Variants in STXBP5L observed in about 807,000 individuals in gnomAD.
The protein encoded by STXBP5L is syntaxin-binding protein 5-like.
A neutral mutation model predicts 144.5 loss-of-function variants in STXBP5L; 65 were observed. That is an observed-to-expected ratio of 0.45 (90% confidence interval 0.37 to 0.55). The LOEUF is 0.55. Among genes scored for constraint, STXBP5L ranks in the 20% least tolerant of loss-of-function variants. The pLI is 0.00. For missense variants in STXBP5L, 1,298 were observed against 1,405.5 expected, an observed-to-expected ratio of 0.92 and a Z score of 1.22; for synonymous variants, 505 against 469.6, an observed-to-expected ratio of 1.08 and a Z score of -0.97.
intron 5 of STXBP5L, among the ~76,000 whole-genome samples, chr3:121,072,942 C>T (rs530669372): frequency 3.3e-4 from 51 of 152,304 alleles, no homozygotes; most frequent in African/African-American, 1.2e-3. Context: ...TGTTTACTGA[C>T]TTTCCTTTGG....
chr3:120,924,949 A>G (rs1709539506), intron 2 of STXBP5L: 1 of 152,460 alleles, frequency 6.6e-6, no homozygotes, highest in African/African-American at 2.4e-5. Context: ...TGACCTCGTG[A>G]TCTGCCCACC....
intron 2 of STXBP5L, among the ~76,000 whole-genome samples, chr3:120,938,594 C>G: frequency 6.6e-6 from 1 of 152,128 alleles, no homozygotes; most frequent in Admixed American, 6.6e-5. Context: ...TGACTCTACA[C>G]CAAGCTATAA....
chr3:121,322,177 C>T (rs1330011386), intron 20 of STXBP5L, among the ~76,000 whole-genome samples: 3 of 152,124 alleles, frequency 2.0e-5, no homozygotes, highest in South Asian at 4.1e-4. Flanking sequence ...ATCCATGTTG[C>T]TTTAAAGGAC....
At chr3:121,410,399 T>C (rs2047088428) in intron 23 of STXBP5L, among the ~76,000 whole-genome samples, 1 of 152,014 alleles carries the variant, frequency 6.6e-6, no homozygotes, top group African/African-American at 2.4e-5. Context: ...TTGATATGAT[T>C]TTAATAATAC....
intron 9 of STXBP5L, among the ~76,000 whole-genome samples, chr3:121,179,862 G>A (rs765316385): frequency 1.6e-4 from 25 of 152,082 alleles, no homozygotes; most frequent in Non-Finnish European, 3.1e-4. Flanking sequence ...CAAGGCTTTC[G>A]AATTAACCCA....
intron 10 of STXBP5L, among the ~76,000 whole-genome samples, chr3:121,221,348 G>A (rs1450101768): frequency 6.6e-6 from 1 of 151,650 alleles, no homozygotes; most frequent in Non-Finnish European, 1.5e-5. Context: ...AAAGCAGGGG[G>A]GGTAAATTGC....
intron 22 of STXBP5L, among the ~76,000 whole-genome samples, chr3:121,386,711 A>G (rs771439658): frequency 5.9e-5 from 9 of 152,168 alleles, no homozygotes; most frequent in Non-Finnish European, 1.3e-4. Context: ...AGCTTCATCA[A>G]TGTCCCTGCA....
At chr3:121,090,912 G>T (rs921366068) in intron 5 of STXBP5L, among the ~76,000 whole-genome samples, 2 of 143,682 alleles carry the variant, frequency 1.4e-5, no homozygotes, top group South Asian at 4.7e-4. Context: ...ATATCTCCCA[G>T]TGCTATCCCT....
At chr3:121,390,014 G>T (rs962666694) in intron 22 of STXBP5L, among the ~76,000 whole-genome samples, 2 of 152,070 alleles carry the variant, frequency 1.3e-5, no homozygotes, top group Non-Finnish European at 2.9e-5. Context: ...TTATTGTGTG[G>T]GAGTCTAAGT....
intron 11 of STXBP5L, among the ~76,000 whole-genome samples, chr3:121,227,832 A>G (rs910672795): frequency 1.3e-5 from 2 of 152,198 alleles, no homozygotes; most frequent in Non-Finnish European, 2.9e-5. Flanking sequence ...ACTTTTTAAT[A>G]AAGCCACAAA....
rs184632470 is a variant in STXBP5L at position 120,979,640 on chromosome 3, C to T, written c.287+24603C>T. Among the ~76,000 whole-genome samples the T allele has an allele frequency of 1.4e-3, 211 of 152,310 alleles. 3 individuals carry two copies. The highest frequency in any genetic ancestry group is 2.4e-3 in the Admixed American group (36 of 15,302). ...TGCAGAAATCACCCATCTTCTGCGT[C>T]GCTCACACTGGGAGCTGTAGACTGG... On this transcript the variant is annotated intron_variant, in intron 3 of 26. Transcript: ENST00000471454.
chr3:121,356,135 G>C (rs1249345270), intron 20 of STXBP5L, among the ~76,000 whole-genome samples: 2 of 152,256 alleles, frequency 1.3e-5, no homozygotes, highest in African/African-American at 2.4e-5. Context: ...TGCCAGTTAG[G>C]CTGAACAGGT....
intron 5 of STXBP5L, among the ~76,000 whole-genome samples, chr3:121,048,534 T>C (rs1005698004): frequency 2.0e-5 from 3 of 152,178 alleles, no homozygotes; most frequent in Non-Finnish European, 2.9e-5. Context: ...TTGAGTGTTT[T>C]GTTCATTTTC....
chr3:121,350,432 G>T (rs1409447728), intron 20 of STXBP5L, among the ~76,000 whole-genome samples: 1 of 152,020 alleles, frequency 6.6e-6, no homozygotes, highest in Non-Finnish European at 1.5e-5. Flanking sequence ...TGACAATTAT[G>T]TGTCTTGGAG....
intron 3 of STXBP5L, among the ~76,000 whole-genome samples, chr3:120,963,576 A>T (rs1189539698): frequency 2.6e-5 from 4 of 152,152 alleles, no homozygotes; most frequent in Admixed American, 6.5e-5. Flanking sequence ...GATTATGTTT[A>T]TTGATTTGCA....
At chr3:121,049,047 A>C (rs1023989587) in intron 5 of STXBP5L, among the ~76,000 whole-genome samples, 4 of 151,916 alleles carry the variant, frequency 2.6e-5, no homozygotes, top group Non-Finnish European at 5.9e-5. Context: ...TCTGTCCCAG[A>C]AAAGCACAGA....
intron 3 of STXBP5L, among the ~76,000 whole-genome samples, chr3:121,007,112 G>A (rs1354239368): frequency 6.6e-6 from 1 of 151,898 alleles, no homozygotes; most frequent in Non-Finnish European, 1.5e-5. Context: ...GCTAGATTGG[G>A]GAAGTTCTCC....
intron 9 of STXBP5L, among the ~76,000 whole-genome samples, chr3:121,187,446 A>G (rs1175186673): frequency 1.3e-5 from 2 of 151,636 alleles, no homozygotes; most frequent in Non-Finnish European, 2.9e-5. Context: ...ATTAGGAGAT[A>G]CACCTAATGT....
At chr3:121,313,293 G>A (rs2043620402) in intron 19 of STXBP5L, among the ~76,000 whole-genome samples, 1 of 143,532 alleles carries the variant, frequency 7.0e-6, no homozygotes, top group African/African-American at 2.6e-5. Flanking sequence ...AGGGGCGGCT[G>A]GGCAGAGGCG....
Sources: allele counts gnomAD v4.1 joint callset (sites outside exome capture counted in the v4.1 genomes callset), GRCh38; gene constraint gnomAD v4.1.1; transcripts MANE v1.5; gene names NCBI Gene and HGNC (gene_info 2026-07-23, HGNC 2026-07-21).